Variants in LRRC47 observed in about 807,000 individuals in gnomAD.
LRRC47 encodes the protein leucine-rich repeat-containing protein 47.
LRRC47 carries 31 observed loss-of-function variants against 40.9 expected under a neutral mutation model. That is an observed-to-expected ratio of 0.76 (90% CI 0.57 to 1.02). The LOEUF is 1.02. Among genes scored for constraint, LRRC47 ranks in the 50% least tolerant of loss-of-function variants. The pLI is 0.00. For missense variants in LRRC47, 726 were observed against 796.1 expected, an observed-to-expected ratio of 0.91 and a Z score of 1.06; for synonymous variants, 427 against 371.9, an observed-to-expected ratio of 1.15 and a Z score of -1.70.
At chr1:3,786,200 T>C (rs919767935) in intron 2 of LRRC47, among the ~76,000 whole-genome samples, 14 of 152,100 alleles carry the variant, frequency 9.2e-5, no homozygotes, top group African/African-American at 3.4e-4. Context: ...AATAAAGCTA[T>C]CCAGAAATTA....
In LRRC47 at chr1:3,786,520, C is replaced by T. The variant is rs557670399; in HGVS notation, c.1077+329G>A. Among the ~76,000 whole-genome samples the T allele has an allele frequency of 3.3e-5, 5 of 151,992 alleles. No individual in the cohort carries two copies. In the South Asian group the frequency reaches 6.2e-4, roughly 19 times the overall value. ...TTAAAAAAAAAAAATCAGGATAAACCGTTAACACCATATGTGGAGGAGCAA... is the reference window on the plus strand; with the variant it reads ...TTAAAAAAAAAAAATCAGGATAAACTGTTAACACCATATGTGGAGGAGCAA... On this transcript the variant is annotated intron_variant, in intron 2 of 6. Coordinates refer to ENST00000378251, the MANE Select transcript of LRRC47 (RefSeq NM_020710.3).
At chr1:3,791,699 G>A (rs1222327310) in intron 1 of LRRC47, among the ~76,000 whole-genome samples, 2 of 151,964 alleles carry the variant, frequency 1.3e-5, no homozygotes, top group South Asian at 2.1e-4. Flanking sequence ...CAGGTGATCC[G>A]CCCGCCTCAG....
chr1:3,795,685 G>A (rs949680378), intron 1 of LRRC47, among the ~76,000 whole-genome samples, 177 bp downstream of exon 1: 2 of 152,348 alleles, frequency 1.3e-5, no homozygotes, highest in South Asian at 2.1e-4. Flanking sequence ...GTTGGAAGGC[G>A]GCATCTGCTT....
intron 1 of LRRC47, 123 bp downstream of exon 1, chr1:3,795,739 A>C: frequency 7.8e-7 from 1 of 1,283,284 alleles, no homozygotes; most frequent in South Asian, 1.7e-5. Context: ...TCAGCCTTGT[A>C]GGAATTCCCT....
chr1:3,796,282 C>A lies in LRRC47; in HGVS notation c.195G>T (p.Ala65=), dbSNP rs1214470174. ...GGCCCTGCGCCAGGCCAGGCCCCGG[C>A]GCGCGCAAGCTCCCGCAGCCGCTCA... ...LEVSGCGSLR[A]PGPGLAQGLP... Residue 65 remains alanine (A), a synonymous_variant, in exon 1 of 7, where the codon GCG becomes GCT. Coordinates refer to ENST00000378251, the MANE Select transcript of LRRC47 (RefSeq NM_020710.3). The A allele has an allele frequency of 4.7e-6, 7 of 1,479,638 alleles. No individual in the cohort carries two copies. Among genetic ancestry groups the A allele is most frequent in the Non-Finnish European group, 5.3e-6 (6 of 1,123,680 alleles). 91.7% of individuals were successfully genotyped at this position (1,479,638 alleles called of 1,614,324 possible). A position where few individuals can be genotyped will look rare whatever the true frequency, so the allele number is the denominator to read the frequency against.
intron 4 of LRRC47, 141 bp from the exon 5 acceptor site, chr1:3,782,904 C>T: frequency 1.5e-6 from 1 of 651,302 alleles, no homozygotes. Context: ...CTGGGGTGTG[C>T]TGTGCCAATG....
intron 5 of LRRC47, among the ~76,000 whole-genome samples, chr1:3,782,161 T>C (rs1643526453): frequency 6.6e-6 from 1 of 152,140 alleles, no homozygotes; most frequent in South Asian, 2.1e-4. Flanking sequence ...TTGCACACAA[T>C]GAAACCTCAC....
Position 3,778,794 on chromosome 1 carries a change from C to T in LRRC47, c.*2294G>A, listed in dbSNP as rs1237655294. 1 of 152,398 alleles carries T rather than the reference C, an allele frequency of 6.6e-6. No individual in the cohort carries two copies. Among genetic ancestry groups the T allele is most frequent in the Non-Finnish European group, 1.5e-5 (1 of 68,142 alleles). 9.4% of individuals were successfully genotyped at this position (152,398 alleles called of 1,614,324 possible). On this transcript the variant is annotated 3_prime_UTR_variant, in exon 7 of 7. Transcript: ENST00000378251. ...TGGCAGCTCCAGCATCCCTCCCTTC[C>T]TCCCTTCCTCCTTCCCGGGCTGGGC...
chr1:3,786,817 C>T, intron 2 of LRRC47, 32 bp downstream of exon 2: 1 of 1,538,748 alleles, frequency 6.5e-7, no homozygotes, highest in Non-Finnish European at 8.8e-7. Flanking sequence ...CACCTCTGTC[C>T]CAGTCATCTG....
intron 1 of LRRC47, among the ~76,000 whole-genome samples, chr1:3,789,421 A>G (rs6692872): frequency 0.07 from 10,603 of 152,354 alleles, 445 homozygotes; most frequent in Non-Finnish European, 0.1. Context: ...TTCTGCCTGC[A>G]AACACGCAGT....
intron 1 of LRRC47, among the ~76,000 whole-genome samples, chr1:3,794,622 G>A (rs1643656895): frequency 6.6e-6 from 1 of 152,026 alleles, no homozygotes; most frequent in Non-Finnish European, 1.5e-5. Flanking sequence ...TTACAGGTGT[G>A]AGCCACCGCG....
chr1:3,784,223 A>G, intron 3 of LRRC47, 112 bp from the exon 4 acceptor site: 2 of 851,924 alleles, frequency 2.3e-6, no homozygotes, highest in Non-Finnish European at 3.7e-6. Flanking sequence ...GCCCTCATTC[A>G]TCTCTACAGC....
Position 3,795,929 on chromosome 1 carries a change from T to C in LRRC47, c.548A>G (p.Glu183Gly), listed in dbSNP as rs1489789343. The C allele has an allele frequency of 1.2e-6, 2 of 1,602,240 alleles. No homozygotes were observed. The highest frequency in any genetic ancestry group is 8.5e-7 in the Non-Finnish European group (1 of 1,177,676). Residue 183 changes from glutamate to glycine, a missense_variant, in exon 1 of 7, where the codon GAA (glutamate) becomes GGA (glycine). Coordinates refer to ENST00000378251, the MANE Select transcript of LRRC47 (RefSeq NM_020710.3). ...FRPGALPLLS[E>G]LAAADNCLRE... is the part of the protein sequence containing the mutation. ...GAGGCAGTTGTCAGCAGCCGCCAGT[T>C]CACTGAGCAGGGGCAGCGCGCCGGG...
At chr1:3,788,268 T>G (rs1643595834) in intron 1 of LRRC47, among the ~76,000 whole-genome samples, 1 of 152,240 alleles carries the variant, frequency 6.6e-6, no homozygotes, top group Non-Finnish European at 1.5e-5. Context: ...GGGCAGGCAC[T>G]GCGAGCAAAC....
intron 1 of LRRC47, among the ~76,000 whole-genome samples, chr1:3,792,467 T>TTTA (rs1643635433): frequency 6.6e-6 from 1 of 151,280 alleles, no homozygotes; most frequent in African/African-American, 2.4e-5. Flanking sequence ...ACGCACACTT[T>TTTA]TTTTTTTTTT....
chr1:3,796,035 G>A lies in LRRC47; in HGVS notation c.442C>T (p.Leu148=), dbSNP rs762574800. The change falls in exon 1 of 7, where the codon CTG becomes TTG. Residue 148 remains leucine, a synonymous_variant. Coordinates refer to ENST00000378251, the MANE Select transcript of LRRC47 (RefSeq NM_020710.3). The stretch of plus-strand genomic sequence containing the variant: ...TGCAGGCGCGGGGCGCAGCGCGCCA[G>A]GTCGGCTGGCAGCTCGCGCAGCCGG... ...GNRLRELPAD[L]ARCAPRLQSL... is the part of the protein sequence containing the mutation. 7 of 1,545,266 alleles carry A rather than the reference G, an allele frequency of 4.5e-6. No homozygotes were observed. Among genetic ancestry groups the A allele is most frequent in the Middle Eastern group, 1.7e-4 (1 of 5,960 alleles).
At position 3,785,355 on chromosome 1, in the gene LRRC47, C is replaced by G. The variant is rs2298226; in HGVS notation, c.1078-152G>C. 1.5e-3 allele frequency: 615 copies of G among 411,788 alleles called. 7 individuals are homozygous for G. The East Asian group carries it at 0.025, about 16-fold the overall frequency. 25.5% of individuals were successfully genotyped at this position (411,788 alleles called of 1,614,324 possible). ...CCACGCCCCTTTCCGAGACAGGGCT[C>G]CCCTCCAACTCCTCTCCACCCGGCC... On this transcript the variant is annotated intron_variant, in intron 2 of 6. Transcript: ENST00000378251.
rs746414874 is a variant in LRRC47, at chr1:3,796,493, G to T, written c.-17C>A. On this transcript the variant is annotated 5_prime_UTR_variant, in exon 1 of 7. Transcript: ENST00000378251. ...CGCCGCCATGGCGCCTCAGCTGCTG[G>T]CAGGCACCCACCCACCAGGGTGCTT... 22 of 1,497,330 alleles carry T rather than the reference G, an allele frequency of 1.5e-5. No individual in the cohort carries two copies. In the African/African-American group the frequency reaches 3.2e-4, roughly 22 times the overall value. 92.8% of individuals were successfully genotyped at this position (1,497,330 alleles called of 1,614,324 possible). A position where few individuals can be genotyped will look rare whatever the true frequency, so the allele number is the denominator to read the frequency against.
rs1292802154 is a variant in LRRC47, at chr1:3,785,174, C to T, written c.1107G>A (p.Lys369=). Residue 369 remains lysine (K), a synonymous_variant, in exon 3 of 7, where the codon AAG becomes AAA. Transcript: ENST00000378251. ...QTKLHEDLCE[K]RTAATLATHE... ...GGGTGGCAAGGGTGGCAGCCGTCCT[C>T]TTCTCACAGAGATCTTCGTGGAGCT... 1 of 1,590,696 alleles carries T rather than the reference C, an allele frequency of 6.3e-7. No homozygotes were observed. The highest frequency in any genetic ancestry group is 1.1e-5 in the South Asian group (1 of 88,584).
Sources: gnomAD v4.1 joint callset for allele counts (sites outside exome capture counted in the v4.1 genomes callset) on GRCh38, gnomAD v4.1.1 for gene constraint, MANE v1.5 for transcripts, NCBI Gene and HGNC (gene_info 2026-07-23, HGNC 2026-07-21) for gene names.